Variants in DNAH10 observed in about 807,000 individuals in gnomAD.
DNAH10 encodes dynein axonemal heavy chain 10.
In DNAH10, 348 loss-of-function variants were observed where a neutral mutation model predicts 506.6. The observed-to-expected ratio is 0.69, with a 90% CI of 0.63 to 0.75. The LOEUF is 0.75. Ranked by LOEUF, DNAH10 falls within the 30% of genes least tolerant of loss-of-function variation. The pLI, the probability that DNAH10 is intolerant of heterozygous loss-of-function variation, is 0.00. For synonymous variants in DNAH10, 2,059 were observed against 2,198.6 expected (o/e 0.94, Z 1.78); for missense variants, 5,179 against 5,787.1 (o/e 0.89, Z 3.41).
At position 123,926,993 on chromosome 12, in the gene DNAH10, T is replaced by A; in HGVS notation, c.12105+173T>A. On this transcript the variant is annotated intron_variant, in intron 69 of 78. Transcript: ENST00000673944. The surrounding 1 kb of genome is among the most constrained non-coding windows in gnomAD (Gnocchi z 4.1). ...GGAAGATGACAATAATAGTTATGAT[T>A]TCACAACCTCATGTTGTGATCATGG... The A allele has an allele frequency of 2.9e-6, 2 of 701,338 alleles. No homozygotes were observed. Among genetic ancestry groups the A allele is most frequent in the Non-Finnish European group, 4.7e-6 (2 of 429,306 alleles). 43.4% of individuals were successfully genotyped at this position (701,338 alleles called of 1,614,324 possible). A position where few individuals can be genotyped will look rare whatever the true frequency, so the allele number is the denominator to read the frequency against.
rs1170449932 is a variant in DNAH10 at position 123,918,760 on chromosome 12, G to C, written c.11317G>C (p.Gly3773Arg). 6.2e-7 allele frequency: 1 copy of C among 1,609,370 alleles called. No homozygotes were observed. Among genetic ancestry groups the C allele is most frequent in the Non-Finnish European group, 8.5e-7 (1 of 1,176,390 alleles). ...RDGYRPAARR[G>R]AILFFVLSEM... ...TGGCTACCGGCCAGCAGCCAGGAGG[G>C]GGGCCATCCTGTTCTTCGTCCTGTC... The change falls in exon 65 of 79, where the codon GGG becomes CGG. Residue 3773 changes from glycine (G) to arginine (R), a missense_variant. Gly to Arg is a moderately radical substitution (Grantham distance 125). Around this residue, in one of 3 missense-constraint regions of DNAH10, gnomAD observed 4,844 missense variants for 5,430.5 expected, o/e 0.89. Transcript: ENST00000673944.
Position 123,919,173 on chromosome 12 carries a change from T to C in DNAH10, c.11506+224T>C, listed in dbSNP as rs988644409. On this transcript the variant is annotated intron_variant, in intron 65 of 78. Coordinates refer to ENST00000673944, the MANE Select transcript of DNAH10 (RefSeq NM_001372106.1). This position sits in a 1 kb window ranked among gnomAD's most constrained non-coding sequence, Gnocchi z 4.9. ...TCACTGCAACCTCCACCTCCCAGGC[T>C]CAGGTGATCCTCCTACCTCAGCCTC... Among the ~76,000 whole-genome samples, 1 of 151,832 alleles carries C rather than the reference T, an allele frequency of 6.6e-6. No homozygotes were observed. Among genetic ancestry groups the C allele is most frequent in the Admixed American group, 6.6e-5 (1 of 15,222 alleles).
chr12:123,932,120 G>A lies in DNAH10; in HGVS notation c.13296+12G>A, dbSNP rs773366688. On this transcript the variant is annotated intron_variant, in intron 76 of 78. Transcript: ENST00000673944. ...AGTACATGTTGTGGGTAAGTGGCAC[G>A]TCACCGCCTCCTCTCTGCCGATTCA... 14 of 1,612,556 alleles carry A rather than the reference G, an allele frequency of 8.7e-6. No homozygotes were observed. The highest frequency in any genetic ancestry group is 6.6e-5 in the South Asian group (6 of 91,032).
In DNAH10 at chr12:123,909,731, A is replaced by G. The variant is rs977046336; in HGVS notation, c.9997+289A>G. On this transcript the variant is annotated intron_variant, in intron 58 of 78. Coordinates refer to ENST00000673944, the MANE Select transcript of DNAH10 (RefSeq NM_001372106.1). This position sits in a 1 kb window ranked among gnomAD's most constrained non-coding sequence, Gnocchi z 5.4. Reference sequence around the variant, plus strand: ...CAGGAAACAGGATCTTCTCATTGGAACCTAGCCCAGCCTTGTCTTCTGTGC... The same window carrying G: ...CAGGAAACAGGATCTTCTCATTGGAGCCTAGCCCAGCCTTGTCTTCTGTGC... Among the ~76,000 whole-genome samples the G allele has an allele frequency of 6.6e-6, 1 of 152,118 alleles. No individual in the cohort carries two copies. The highest frequency in any genetic ancestry group is 1.5e-5 in the Non-Finnish European group (1 of 68,020).
chr12:123,819,966 A>G (rs926235285), intron 23 of DNAH10, among the ~76,000 whole-genome samples: 3 of 152,068 alleles, frequency 2.0e-5, no homozygotes, highest in Admixed American at 6.5e-5. Flanking sequence ...CAGCCTCCCA[A>G]AGTGCTGGGA....
At position 123,785,238 on chromosome 12, in the gene DNAH10, C is replaced by T. The variant is rs1957803764; in HGVS notation, c.1231-508C>T. ...AGGTTCTGGTTTTTCCGTATCTTCA[C>T]CACCACTTGTTATCGTCTTTCTGAT... On this transcript the variant is annotated intron_variant, in intron 8 of 78. Transcript: ENST00000673944. The surrounding 1 kb of genome is among the most constrained non-coding windows in gnomAD (Gnocchi z 4.1). Among the ~76,000 whole-genome samples, 1 of 152,180 alleles carries T rather than the reference C, an allele frequency of 6.6e-6. No individual in the cohort carries two copies.
At chr12:123,865,280 T>G (rs922183940) in intron 40 of DNAH10, among the ~76,000 whole-genome samples, 1 of 152,168 alleles carries the variant, frequency 6.6e-6, no homozygotes, top group Admixed American at 6.6e-5. Context: ...TTTTTAAACT[T>G]TCTATCATAT....
At chr12:123,839,859 A>T (rs1175873174) in intron 29 of DNAH10, among the ~76,000 whole-genome samples, 1 of 152,032 alleles carries the variant, frequency 6.6e-6, no homozygotes, top group Non-Finnish European at 1.5e-5. Context: ...ACAATTTCAC[A>T]CTTTTTAAAT....
chr12:123,866,773 T>G (rs1428943723), intron 41 of DNAH10, among the ~76,000 whole-genome samples: 4 of 152,182 alleles, frequency 2.6e-5, no homozygotes, highest in Non-Finnish European at 5.9e-5. Context: ...CAATAAACCT[T>G]TATTTACAAA....
chr12:123,898,006 T>A (rs767896423), intron 55 of DNAH10, 39 bp downstream of exon 55: 1 of 1,513,900 alleles, frequency 6.6e-7, no homozygotes, highest in Non-Finnish European at 8.8e-7. Flanking sequence ...AAAGTCATTA[T>A]TATTTATGGG....
Position 123,787,851 on chromosome 12 carries a change from C to G in DNAH10, c.1469C>G (p.Thr490Ser), listed in dbSNP as rs1269409544. The G allele has an allele frequency of 6.2e-7, 1 of 1,614,070 alleles. No individual in the cohort carries two copies. The highest frequency in any genetic ancestry group is 1.1e-5 in the South Asian group (1 of 91,014). Residue 490 changes from threonine (T) to serine (S), a missense_variant, in exon 10 of 79, where the codon ACC (threonine) becomes AGC (serine). Thr to Ser is a moderately conservative substitution (Grantham distance 58, BLOSUM62 1). Around this residue, in one of 3 missense-constraint regions of DNAH10, gnomAD observed 4,844 missense variants for 5,430.5 expected, o/e 0.89. Transcript: ENST00000673944. This position sits in a 1 kb window ranked among gnomAD's most constrained non-coding sequence, Gnocchi z 4.6. ...AQSKTLEARNTLRLWKKAYFD... is the reference protein window; with the variant it reads ...AQSKTLEARNSLRLWKKAYFD... ...AGCAAAACCTTGGAAGCCAGGAACA[C>G]CCTCAGGCTGTGGAAAAAGGCCTAT...
At chr12:123,837,150 C>T (rs182940994) in intron 28 of DNAH10, among the ~76,000 whole-genome samples, 12 of 137,756 alleles carry the variant, frequency 8.7e-5, no homozygotes, top group East Asian at 6.2e-4. Flanking sequence ...TGTGCCCAGC[C>T]GGTGAAACTC....
In DNAH10 at chr12:123,850,759, A is replaced by T. The variant is rs1951124993; in HGVS notation, c.6103-129A>T. 2.1e-6 allele frequency: 2 copies of T among 955,278 alleles called. No homozygotes were observed. Among genetic ancestry groups the T allele is most frequent in the African/African-American group, 3.3e-5 (2 of 59,922 alleles). The allele number at this position is 955,278 out of a possible 1,614,324, so 59.2% of individuals were successfully genotyped here. ...TTGAACACCGGGGAGGGAAAAAGAG[A>T]CAAGTGGTGTTGTCAGCCTCATACC... On this transcript the variant is annotated intron_variant, in intron 34 of 78. Coordinates refer to ENST00000673944, the MANE Select transcript of DNAH10 (RefSeq NM_001372106.1). This position sits in a 1 kb window ranked among gnomAD's most constrained non-coding sequence, Gnocchi z 5.5.
At chr12:123,914,749 C>A in intron 61 of DNAH10, 103 bp from the exon 62 acceptor site, 1 of 1,484,722 alleles carries the variant, frequency 6.7e-7, no homozygotes, top group East Asian at 2.4e-5. Flanking sequence ...CTTGTGTGGC[C>A]TGGGGATGGG....
chr12:123,910,780 C>T, intron 59 of DNAH10, 108 bp downstream of exon 59: 1 of 1,412,212 alleles, frequency 7.1e-7, no homozygotes, highest in East Asian at 2.4e-5. Context: ...GTTCTGACTT[C>T]AAGCTGCATA....
chr12:123,798,232 A>C (rs1349930977), intron 13 of DNAH10, among the ~76,000 whole-genome samples: 1 of 152,220 alleles, frequency 6.6e-6, no homozygotes, highest in East Asian at 1.9e-4. Context: ...CCATTTTGCT[A>C]TAAAGAAACT....
At chr12:123,821,888 G>A (rs1375362024) in intron 24 of DNAH10, among the ~76,000 whole-genome samples, 1 of 151,982 alleles carries the variant, frequency 6.6e-6, no homozygotes, top group Non-Finnish European at 1.5e-5. Context: ...GGGCAACAAG[G>A]CGAAACCCCG....
chr12:123,916,710 G>A lies in DNAH10; in HGVS notation c.10976G>A (p.Gly3659Glu), dbSNP rs942155950. The A allele has an allele frequency of 6.2e-7, 1 of 1,612,500 alleles. No individual in the cohort carries two copies. The highest frequency in any genetic ancestry group is 8.5e-7 in the Non-Finnish European group (1 of 1,179,072). ...ANPRYSPSVF[G>E]KAMVINYTVT... ...CCCAGATATTCCCCATCCGTGTTTGGGAAAGCTATGGTGATCAATTACACT... is the reference window on the plus strand; with the variant it reads ...CCCAGATATTCCCCATCCGTGTTTGAGAAAGCTATGGTGATCAATTACACT... Residue 3659 changes from glycine (G) to glutamate (E), a missense_variant, in exon 63 of 79, where the codon GGG becomes GAG. Physicochemically the swap from Gly to Glu is moderately conservative, Grantham distance 98. This residue lies in a region of DNAH10 where 4,844 missense variants were observed against 5,430.5 expected (regional missense o/e 0.89). Transcript: ENST00000673944. The surrounding 1 kb of genome is among the most constrained non-coding windows in gnomAD (Gnocchi z 4.6).
rs759328479 is a variant in DNAH10, at chr12:123,918,940, G to A, written c.11497G>A (p.Gly3833Ser). ...DTLTFSIYNH[G>S]CTGLFERHKL... ...GCTGACCTTCAGCATCTATAACCAC[G>A]GCTGCACAGGTGAGCTCTCCCCACA... The change falls in exon 65 of 79, where the codon GGC (glycine) becomes AGC (serine). Residue 3833 changes from glycine to serine, a missense_variant. Gly to Ser is a moderately conservative substitution (Grantham distance 56, BLOSUM62 0). Coordinates refer to ENST00000673944, the MANE Select transcript of DNAH10 (RefSeq NM_001372106.1). 4.3e-5 allele frequency: 69 copies of A among 1,610,222 alleles called. No homozygotes were observed. The highest frequency in any genetic ancestry group is 3.8e-4 in the Admixed American group (23 of 59,904).
Sources: gnomAD v4.1 joint callset for allele counts (sites outside exome capture counted in the v4.1 genomes callset) on GRCh38, gnomAD v4.1.1 for gene constraint, gnomAD v4.1.1 regional missense constraint, Gnocchi (gnomAD v3.1) non-coding constraint, MANE v1.5 for transcripts, NCBI Gene and HGNC (gene_info 2026-07-23, HGNC 2026-07-21) for gene names.